Variants in KLHL29 observed in about 807,000 individuals in gnomAD.
KLHL29 encodes the protein kelch like family member 29, also known as kelch-like protein 29.
In KLHL29, 21 loss-of-function variants were observed where a neutral mutation model predicts 80.4. That is an observed-to-expected ratio of 0.26 (90% CI 0.19 to 0.38). KLHL29 has a LOEUF of 0.38. KLHL29 is among the 10% of genes least tolerant of loss of function. KLHL29 has a pLI of 1.00. For missense variants in KLHL29, 867 were observed against 1,223.9 expected (o/e 0.71, Z 4.35); for synonymous variants, 511 against 526.8 (o/e 0.97, Z 0.41).
chr2:23,547,060 A>T (rs982688677), intron 2 of KLHL29, among the ~76,000 whole-genome samples: 64 of 152,164 alleles, frequency 4.2e-4, no homozygotes, highest in African/African-American at 1.5e-3. Flanking sequence ...ACCCTCGTGG[A>T]GCTCCCGCAG....
chr2:23,500,109 T>C (rs141362913), intron 2 of KLHL29, among the ~76,000 whole-genome samples: 2 of 152,124 alleles, frequency 1.3e-5, no homozygotes, highest in African/African-American at 4.8e-5. Flanking sequence ...TGCTCTAAAG[T>C]AGATATTCTC....
intron 3 of KLHL29, among the ~76,000 whole-genome samples, chr2:23,593,453 C>T (rs1368814659): frequency 6.6e-6 from 1 of 152,194 alleles, no homozygotes. Flanking sequence ...GCCCGGTCTC[C>T]AGGCCTATGT....
intron 5 of KLHL29, among the ~76,000 whole-genome samples, chr2:23,663,894 C>A (rs1447067320): frequency 6.6e-6 from 1 of 152,176 alleles, no homozygotes; most frequent in Non-Finnish European, 1.5e-5. Flanking sequence ...TGCATTTTTA[C>A]TATGATCTAT....
chr2:23,437,514 A>G (rs1196281156), intron 1 of KLHL29, among the ~76,000 whole-genome samples: 4 of 152,230 alleles, frequency 2.6e-5, no homozygotes, highest in South Asian at 4.1e-4. Flanking sequence ...AATTATTACC[A>G]TAAAGAAGGG....
chr2:23,482,040 C>A lies in KLHL29; in HGVS notation c.-46+6373C>A, dbSNP rs183717116. Among the ~76,000 whole-genome samples, 155 of 152,306 alleles carry A rather than the reference C, an allele frequency of 1.0e-3. 2 individuals carry two copies. The highest frequency in any genetic ancestry group is 2.1e-3 in the South Asian group (10 of 4,830). On this transcript the variant is annotated intron_variant, in intron 2 of 13. Transcript: ENST00000486442. ...CAGGATTGTGGAAGGCCATGCCCCC[C>A]TTTTCCATCTTCCTTGTCCGCTGCC...
chr2:23,385,179 A>G lies in KLHL29; in HGVS notation c.-755A>G, dbSNP rs1666136574. On this transcript the variant is annotated 5_prime_UTR_variant, in exon 1 of 14. Transcript: ENST00000486442. Reference sequence around the variant, plus strand: ...AGCCCGCCTCCCTCGCAGCTAAAGCAGACGGTACCCGGAGCGGAGCGAGCC... The same window carrying G: ...AGCCCGCCTCCCTCGCAGCTAAAGCGGACGGTACCCGGAGCGGAGCGAGCC... 3 of 148,028 alleles carry G rather than the reference A, an allele frequency of 2.0e-5. No individual in the cohort carries two copies. The South Asian group carries it at 5.3e-4, about 26-fold the overall frequency. The allele number at this position is 148,028 out of a possible 1,614,324, so 9.2% of individuals were successfully genotyped here. A position where few individuals can be genotyped will look rare whatever the true frequency, so the allele number is the denominator to read the frequency against.
rs574932634 is a variant in KLHL29 at position 23,453,136 on chromosome 2, T to C, written c.-153-22424T>C. 3.3e-5 allele frequency among the ~76,000 whole-genome samples: 5 copies of C among 152,180 alleles called. No individual in the cohort carries two copies. The South Asian group carries it at 1.0e-3, about 32-fold the overall frequency. On this transcript the variant is annotated intron_variant, in intron 1 of 13. Coordinates refer to ENST00000486442, the MANE Select transcript of KLHL29 (RefSeq NM_052920.2). ...AAAAAAAAAAAGTAAAAGTAAATTT[T>C]AAAAAACGTTTCTTGTCTATGCCTA...
Position 23,691,728 on chromosome 2 carries a change from G to C in KLHL29, c.1134G>C (p.Ser378=), listed in dbSNP as rs367603944. The C allele has an allele frequency of 6.4e-7, 1 of 1,551,790 alleles. No individual in the cohort carries two copies. The highest frequency in any genetic ancestry group is 8.7e-7 in the Non-Finnish European group (1 of 1,147,014). ...GGREKLELVL[S]NLQADVLELL... Reference sequence around the variant, plus strand: ...GGGAGAAGCTGGAGCTCGTCCTGTCGAACCTGCAGGCAGACGTCCTGGAGT... The same window carrying C: ...GGGAGAAGCTGGAGCTCGTCCTGTCCAACCTGCAGGCAGACGTCCTGGAGT... The change falls in exon 7 of 14, where the codon TCG becomes TCC. Residue 378 remains serine (S), a synonymous_variant. Transcript: ENST00000486442.
intron 1 of KLHL29, among the ~76,000 whole-genome samples, chr2:23,450,999 T>C (rs1166797706): frequency 4.6e-5 from 7 of 152,340 alleles, no homozygotes; most frequent in African/African-American, 1.7e-4. Context: ...GTCTATAGCT[T>C]TCCCTGTTCT....
intron 2 of KLHL29, among the ~76,000 whole-genome samples, chr2:23,535,282 G>C (rs1666626780): frequency 6.6e-6 from 1 of 152,168 alleles, no homozygotes; most frequent in African/African-American, 2.4e-5. Flanking sequence ...TCCTGAGCTA[G>C]GACTCCACAC....
At chr2:23,655,465 CAG>C (rs1197618350) in intron 5 of KLHL29, among the ~76,000 whole-genome samples, 7 of 152,216 alleles carry the variant, frequency 4.6e-5, no homozygotes, top group African/African-American at 1.4e-4. Context: ...GCCACCAGCA[CAG>C]AGCTATAGGA....
chr2:23,558,915 G>A (rs1667369064), intron 2 of KLHL29, among the ~76,000 whole-genome samples: 1 of 152,258 alleles, frequency 6.6e-6, no homozygotes, highest in Non-Finnish European at 1.5e-5. Flanking sequence ...TGTTCAAGTT[G>A]CCGGGGTCAC....
At chr2:23,521,560 CCT>C (rs1666104924) in intron 2 of KLHL29, among the ~76,000 whole-genome samples, 1 of 152,200 alleles carries the variant, frequency 6.6e-6, no homozygotes, top group Non-Finnish European at 1.5e-5. Context: ...AGTAGCCACT[CCT>C]CTCTGCCTCC....
chr2:23,663,553 CAAG>C (rs1670475835), intron 5 of KLHL29, among the ~76,000 whole-genome samples: 1 of 152,228 alleles, frequency 6.6e-6, no homozygotes, highest in Admixed American at 6.5e-5. Context: ...CAGCCAGTTC[CAAG>C]TTATTGATGT....
intron 2 of KLHL29, among the ~76,000 whole-genome samples, chr2:23,524,653 G>A (rs1410592483): frequency 6.6e-6 from 1 of 152,240 alleles, no homozygotes; most frequent in African/African-American, 2.4e-5. Context: ...GGACACCTCT[G>A]ATTCGATCTG....
intron 3 of KLHL29, among the ~76,000 whole-genome samples, chr2:23,621,285 G>A (rs1245832535): frequency 4.6e-5 from 7 of 152,202 alleles, no homozygotes; most frequent in Admixed American, 2.0e-4. Flanking sequence ...AAGCCCAGCC[G>A]GACTAAGACC....
In KLHL29 at chr2:23,688,595, G is replaced by A. The variant is rs1572500766; in HGVS notation, c.1080-3079G>A. Among the ~76,000 whole-genome samples the A allele has an allele frequency of 2.0e-5, 3 of 152,062 alleles. No homozygotes were observed. The East Asian group carries it at 5.8e-4, about 29-fold the overall frequency. On this transcript the variant is annotated intron_variant, in intron 6 of 13. Transcript: ENST00000486442. ...CGTCCCGGACTCTGGCCTCTCCTGG[G>A]CACCCCCACGCCCAGAAGTAGGTGA...
At position 23,642,799 on chromosome 2, in the gene KLHL29, C is replaced by T. The variant is rs1014456936; in HGVS notation, c.889C>T (p.Arg297Trp). ...TDSAHGLQML[R>W]TIGVGKYEFT... ...CTCGGCCCACGGGCTGCAGATGCTG[C>T]GGACCATTGGCGTGGGGAAGTATGA... Residue 297 changes from arginine (R) to tryptophan (W), a missense_variant, in exon 5 of 14, where the codon CGG becomes TGG. This residue lies in a region of KLHL29 where 424 missense variants were observed against 456.9 expected (regional missense o/e 0.93). Coordinates refer to ENST00000486442, the MANE Select transcript of KLHL29 (RefSeq NM_052920.2). The T allele has an allele frequency of 4.1e-5, 63 of 1,550,342 alleles. No individual in the cohort carries two copies. The highest frequency in any genetic ancestry group is 5.1e-5 in the Non-Finnish European group (58 of 1,146,916).
At chr2:23,646,002 CT>C (rs1669918351) in intron 5 of KLHL29, among the ~76,000 whole-genome samples, 1 of 151,880 alleles carries the variant, frequency 6.6e-6, no homozygotes, top group African/African-American at 2.4e-5. Context: ...CAAGACAAAT[CT>C]TTCTTTCTCT....
Sources: gnomAD v4.1 joint callset for allele counts (sites outside exome capture counted in the v4.1 genomes callset) on GRCh38, gnomAD v4.1.1 for gene constraint, gnomAD v4.1.1 regional missense constraint, MANE v1.5 for transcripts, NCBI Gene and HGNC (gene_info 2026-07-23, HGNC 2026-07-21) for gene names.